The following PSD3 variants were observed in gnomAD, a reference collection of about 807,000 sequenced individuals.
The protein encoded by PSD3 is PH and SEC7 domain-containing protein 3.
In PSD3, 49 loss-of-function variants were observed where a neutral mutation model predicts 105.5. The ratio of observed to expected loss-of-function variants is 0.46; its 90% CI spans 0.37 to 0.59. The LOEUF is 0.59. Among genes scored for constraint, PSD3 ranks in the 20% least tolerant of loss-of-function variants. The pLI, the probability that PSD3 is intolerant of heterozygous loss-of-function variation, is 0.00. For missense variants in PSD3, 1,561 were observed against 1,263.8 expected (o/e 1.24, Z -3.57); for synonymous variants, 557 against 457.8 (o/e 1.22, Z -2.77).
At chr8:18,709,773 TA>T (rs1190443671) in intron 9 of PSD3, among the ~76,000 whole-genome samples, 3 of 151,480 alleles carry the variant, frequency 2.0e-5, no homozygotes, top group African/African-American at 7.3e-5. Flanking sequence ...ACCTAACTAT[TA>T]AAAGAAAAAC....
intron 11 of PSD3, among the ~76,000 whole-genome samples, chr8:18,609,381 T>C (rs1488650764): frequency 6.6e-6 from 1 of 152,166 alleles, no homozygotes; most frequent in Non-Finnish European, 1.5e-5. Flanking sequence ...ATATTCACAA[T>C]ATAAAGCAAT....
intron 4 of PSD3, among the ~76,000 whole-genome samples, chr8:18,819,968 T>C (rs1009755748): frequency 6.6e-6 from 1 of 152,208 alleles, no homozygotes; most frequent in Non-Finnish European, 1.5e-5. Flanking sequence ...AAAATTATAC[T>C]GTTGGTTTAA....
chr8:18,782,178 A>G (rs1207140004), intron 8 of PSD3, among the ~76,000 whole-genome samples: 3 of 151,820 alleles, frequency 2.0e-5, no homozygotes, highest in Non-Finnish European at 2.9e-5. Context: ...TTTTTTTAAT[A>G]TTGGCATCTG....
intron 8 of PSD3, among the ~76,000 whole-genome samples, chr8:18,790,665 C>A (rs949428517): frequency 1.3e-5 from 2 of 151,944 alleles, no homozygotes; most frequent in Non-Finnish European, 2.9e-5. Context: ...TCTCTATATC[C>A]TTATTGTGGA....
rs1405469571 is a variant in PSD3 at position 18,531,187 on chromosome 8, A to C, written c.*4556T>G. 2 of 152,686 alleles carry C rather than the reference A, an allele frequency of 1.3e-5. No homozygotes were observed. Among genetic ancestry groups the C allele is most frequent in the African/African-American group, 4.8e-5 (2 of 41,470 alleles). 9.5% of individuals were successfully genotyped at this position (152,686 alleles called of 1,614,324 possible). ...ACACAAATTACAAAGGATGAACCGA[A>C]GAGACTTAAGAAAACCTACTGTATA... On this transcript the variant is annotated 3_prime_UTR_variant, in exon 16 of 16. Coordinates refer to ENST00000327040, the MANE Select transcript of PSD3 (RefSeq NM_015310.4).
chr8:18,713,807 G>C (rs1049170701), intron 9 of PSD3, among the ~76,000 whole-genome samples: 1 of 152,126 alleles, frequency 6.6e-6, no homozygotes, highest in Admixed American at 6.6e-5. Flanking sequence ...AACCGAAAAA[G>C]AGTCTGTACA....
At chr8:18,701,018 G>C (rs1237381123) in intron 9 of PSD3, among the ~76,000 whole-genome samples, 1 of 152,126 alleles carries the variant, frequency 6.6e-6, no homozygotes, top group Non-Finnish European at 1.5e-5. Flanking sequence ...CCAGGCTGGA[G>C]TGCAGTGTTG....
At chr8:18,881,636 A>G (rs1267042780) in intron 2 of PSD3, among the ~76,000 whole-genome samples, 1 of 152,106 alleles carries the variant, frequency 6.6e-6, no homozygotes, top group Non-Finnish European at 1.5e-5. Flanking sequence ...TGGCAGTCAC[A>G]TCTATGCCTA....
chr8:19,073,550 C>CAAAAAAA lies in PSD3; in HGVS notation c.324+10649_324+10655dup, dbSNP rs869154642. Among the ~76,000 whole-genome samples the CAAAAAAA allele has an allele frequency of 5.8e-3, 402 of 69,140 alleles. 2 individuals are homozygous for CAAAAAAA. The highest frequency in any genetic ancestry group is 0.013 in the Middle Eastern group (1 of 80). 45.4% of individuals were successfully genotyped at this position (69,140 alleles called of 152,430 possible). A position where few individuals can be genotyped will look rare whatever the true frequency, so the allele number is the denominator to read the frequency against. ...TGGGCGACAGAGTGAAACTGTCTCT[C>CAAAAAAA]AAAAAAAAAAAAAAAAAAAAAAAAA... On this transcript the variant is annotated intron_variant, in intron 1 of 1. Transcript: ENST00000521475.
chr8:19,003,860 T>G (rs1358017675), intron 1 of PSD3, among the ~76,000 whole-genome samples: 1 of 151,936 alleles, frequency 6.6e-6, no homozygotes, highest in African/African-American at 2.4e-5. Flanking sequence ...GGGATGTTTG[T>G]CAACTGGAGA....
At chr8:18,768,158 C>G (rs1432806614) in intron 8 of PSD3, among the ~76,000 whole-genome samples, 2 of 147,094 alleles carry the variant, frequency 1.4e-5, no homozygotes, top group Admixed American at 1.4e-4. Context: ...TCATGGCGGG[C>G]GCCTGTAATC....
chr8:18,995,818 C>G (rs960010367), intron 1 of PSD3, among the ~76,000 whole-genome samples: 2 of 151,846 alleles, frequency 1.3e-5, no homozygotes, highest in Non-Finnish European at 2.9e-5. Flanking sequence ...TCAATAGAAA[C>G]AGCAGGGAAA....
chr8:18,974,256 G>C (rs1824806470), intron 1 of PSD3, among the ~76,000 whole-genome samples: 1 of 152,194 alleles, frequency 6.6e-6, no homozygotes, highest in African/African-American at 2.4e-5. Context: ...CTCAAACTCA[G>C]ACAGTGACTA....
At chr8:18,966,389 G>T (rs1049552726) in intron 1 of PSD3, among the ~76,000 whole-genome samples, 1 of 152,022 alleles carries the variant, frequency 6.6e-6, no homozygotes, top group African/African-American at 2.4e-5. Flanking sequence ...GGCCAACACT[G>T]CGAAATCCCC....
rs778157432 is a variant in PSD3, at chr8:18,867,766, C to T, written c.1542G>A (p.Val514=). The T allele has an allele frequency of 3.1e-6, 5 of 1,613,996 alleles. No homozygotes were observed. In the African/African-American group the frequency reaches 6.7e-5, roughly 22 times the overall value. The stretch of plus-strand genomic sequence containing the variant: ...TGGTGACGCCACTAGAATAGCCCAT[C>T]ACGATGCCACCATCTGCAGACACAC... ...ILSVSADGGI[V]MGYSSGVTNG... The change falls in exon 4 of 16, where the codon GTG becomes GTA. Residue 514 remains valine (V), a synonymous_variant. Transcript: ENST00000327040.
At chr8:18,679,655 G>A (rs1353573934) in intron 9 of PSD3, among the ~76,000 whole-genome samples, 2 of 152,130 alleles carry the variant, frequency 1.3e-5, no homozygotes, top group Non-Finnish European at 2.9e-5. Context: ...TGAGTCTTGG[G>A]GAGGTGAAGT....
chr8:18,801,463 T>C, intron 6 of PSD3, 81 bp from the exon 7 acceptor site: 1 of 752,468 alleles, frequency 1.3e-6, no homozygotes, highest in Non-Finnish European at 2.3e-6. Flanking sequence ...TCAATTTATA[T>C]AAACCTAAGA....
In PSD3 at chr8:18,804,328, A is replaced by G. The variant is rs764764054; in HGVS notation, c.1910+194T>C. The G allele has an allele frequency of 2.7e-5, 14 of 516,156 alleles. No individual in the cohort carries two copies. In the Admixed American group the frequency reaches 3.3e-4, roughly 12 times the overall value. The allele number at this position is 516,156 out of a possible 1,614,324, so 32.0% of individuals were successfully genotyped here. A position where few individuals can be genotyped will look rare whatever the true frequency, so the allele number is the denominator to read the frequency against. ...GGATGTTCACTTGGATAAGTATAAC[A>G]CAAACATCTCTAAACCTGACAAAAT... is the stretch of plus-strand genomic sequence containing the variant. On this transcript the variant is annotated intron_variant, in intron 6 of 15. Transcript: ENST00000327040.
chr8:18,806,451 A>T (rs1424861715), intron 4 of PSD3, among the ~76,000 whole-genome samples: 1 of 152,210 alleles, frequency 6.6e-6, no homozygotes, highest in East Asian at 1.9e-4. Context: ...TAACAGTGAA[A>T]CTAATGAGGA....
Sources: allele counts gnomAD v4.1 joint callset (sites outside exome capture counted in the v4.1 genomes callset), GRCh38; gene constraint gnomAD v4.1.1; transcripts MANE v1.5; gene names NCBI Gene and HGNC (gene_info 2026-07-23, HGNC 2026-07-21).